POLD1: variants seen among roughly 807,000 people sequenced by gnomAD.
POLD1 encodes DNA polymerase delta catalytic subunit.
POLD1 carries 79 observed loss-of-function variants against 129.7 expected under a neutral mutation model. That is an observed-to-expected ratio of 0.61 (90% CI 0.51 to 0.73). The LOEUF is 0.73. Among genes scored for constraint, POLD1 ranks in the 30% least tolerant of loss-of-function variants. POLD1 has a pLI of 0.00. For synonymous variants in POLD1, 714 were observed against 683.3 expected (o/e 1.04, Z -0.70); for missense variants, 1,338 against 1,595.8 (o/e 0.84, Z 2.75).
intron 2 of POLD1, 84 bp from the exon 3 acceptor site, chr19:50,399,287 C>T: frequency 4.8e-6 from 6 of 1,245,966 alleles, no homozygotes; most frequent in Non-Finnish European, 7.0e-6. Context: ...CCACCTCTGC[C>T]TGGCTCCTTT....
rs369857347 is a variant in POLD1, at chr19:50,413,727, C to T, written c.2251-15C>T. 2 of 1,587,434 alleles carry T rather than the reference C, an allele frequency of 1.3e-6. No homozygotes were observed. Among genetic ancestry groups the T allele is most frequent in the Non-Finnish European group, 1.7e-6 (2 of 1,168,720 alleles). On this transcript the variant is annotated splice_polypyrimidine_tract_variant and intron_variant, in intron 18 of 26. Transcript: ENST00000440232. ...GACCCTGCTTCTCACATACACACAT[C>T]CCCACCGCCCGCAGGTGGTGTATGG...
rs763951036 is a variant in POLD1, at chr19:50,417,072, G to C, written c.3095G>C (p.Arg1032Pro). The C allele has an allele frequency of 6.4e-7, 1 of 1,554,082 alleles. No individual in the cohort carries two copies. The highest frequency in any genetic ancestry group is 8.7e-7 in the Non-Finnish European group (1 of 1,148,472). The change falls in exon 25 of 27, where the codon CGG becomes CCG. Residue 1032 changes from arginine (R) to proline (P), a missense_variant. Transcript: ENST00000440232. ...GCCGTGTGTGAGTTCTGCCAGCCCCGGGAGTCTGAGCTGTATCAGAAGGAG... is the reference window on the plus strand; with the variant it reads ...GCCGTGTGTGAGTTCTGCCAGCCCCCGGAGTCTGAGCTGTATCAGAAGGAG... Reference protein sequence around the residue: ...QGAVCEFCQPRESELYQKEVS... With the variant: ...QGAVCEFCQPPESELYQKEVS...
chr19:50,387,387 G>A (rs910330576), intron 1 of POLD1, among the ~76,000 whole-genome samples: 3 of 152,194 alleles, frequency 2.0e-5, no homozygotes, highest in Admixed American at 6.5e-5. Context: ...GGCCTGCAGC[G>A]AGCACGTGGT....
chr19:50,407,671 A>T (rs2038946024), intron 14 of POLD1, among the ~76,000 whole-genome samples: 1 of 142,692 alleles, frequency 7.0e-6, no homozygotes, highest in Admixed American at 7.0e-5. Context: ...CCATTCTCCT[A>T]CCTCAGTCTC....
At chr19:50,384,346 G>C (rs2037892154), upstream of POLD1, 1 of 152,482 alleles carries the variant, frequency 6.6e-6, no homozygotes, top group African/African-American at 2.4e-5. Flanking sequence ...GGGAGTCAGG[G>C]GTCACGGCGG....
At chr19:50,404,399 A>G (rs1441711234) in intron 10 of POLD1, among the ~76,000 whole-genome samples, 1 of 147,782 alleles carries the variant, frequency 6.8e-6, no homozygotes, top group Non-Finnish European at 1.5e-5. Flanking sequence ...AGTAGCTGGG[A>G]CTACAGGCGC....
intron 22 of POLD1, 33 bp from the exon 23 acceptor site, chr19:50,416,363 G>T: frequency 1.3e-6 from 2 of 1,545,386 alleles, no homozygotes; most frequent in Non-Finnish European, 1.7e-6. Flanking sequence ...CCCTTTCCCT[G>T]GCTGCCCGGG....
At position 50,390,572 on chromosome 19, in the gene POLD1, A is replaced by AT. The variant is rs563258123; in HGVS notation, c.-2+6198dup. 2.6e-3 allele frequency among the ~76,000 whole-genome samples: 355 copies of AT among 136,066 alleles called. 3 individuals are homozygous for AT. The highest frequency in any genetic ancestry group is 9.4e-3 in the East Asian group (44 of 4,668). 89.3% of individuals were successfully genotyped at this position (136,066 alleles called of 152,430 possible). A position where few individuals can be genotyped will look rare whatever the true frequency, so the allele number is the denominator to read the frequency against. ...CATTCTACAGTTATTCTTGAGAACTATTTTTTTTTTTTTTTTAGTATTTAT... is the reference window on the plus strand; with the variant it reads ...CATTCTACAGTTATTCTTGAGAACTATTTTTTTTTTTTTTTTTAGTATTTAT... On this transcript the variant is annotated intron_variant, in intron 1 of 26. Coordinates refer to ENST00000440232, the MANE Select transcript of POLD1 (RefSeq NM_002691.4).
At chr19:50,401,391 A>ATATTTTTTTTTTTTTTTT (rs1334231607) in intron 3 of POLD1, among the ~76,000 whole-genome samples, 1 of 65,992 alleles carries the variant, frequency 1.5e-5, no homozygotes, top group Non-Finnish European at 2.6e-5. Flanking sequence ...ATATATATAT[A>ATATTTTTTTTTTTTTTTT]TTTTTTTTTT....
chr19:50,415,641 C>T (rs781592897), intron 21 of POLD1, 51 bp downstream of exon 21: 1 of 1,575,754 alleles, frequency 6.3e-7, no homozygotes, highest in South Asian at 1.1e-5. Context: ...TCCTTCCTGC[C>T]AGCTGGGCCC....
chr19:50,416,556 A>C (rs1335093653), intron 23 of POLD1, 28 bp downstream of exon 23: 2 of 1,546,848 alleles, frequency 1.3e-6, no homozygotes, highest in East Asian at 2.4e-5. Context: ...GACTGGGGGC[A>C]CCCTGGGGGG....
intron 26 of POLD1, 113 bp downstream of exon 26, chr19:50,417,382 A>G (rs938370044): frequency 3.0e-6 from 2 of 677,368 alleles, no homozygotes; most frequent in Admixed American, 2.4e-5. Flanking sequence ...CTCCCCGCCC[A>G]TCCCCTTCCA....
In POLD1 at chr19:50,417,230, G is replaced by A. The variant is rs762090110; in HGVS notation, c.3179G>A (p.Arg1060His). Residue 1060 changes from arginine (R) to histidine (H), a missense_variant, in exon 26 of 27, where the codon CGC becomes CAC. By Grantham distance (29) the Arg-to-His change is conservative. Coordinates refer to ENST00000440232, the MANE Select transcript of POLD1 (RefSeq NM_002691.4). ...TCGCGCCTCTGGACGCAGTGCCAGC[G>A]CTGCCAGGGCAGCCTGCACGAGGAC... Reference protein sequence around the residue: ...RFSRLWTQCQRCQGSLHEDVI... With the variant: ...RFSRLWTQCQHCQGSLHEDVI... 1.2e-5 allele frequency: 19 copies of A among 1,603,902 alleles called. No individual in the cohort carries two copies. The highest frequency in any genetic ancestry group is 4.5e-5 in the East Asian group (2 of 44,714).
Position 50,408,965 on chromosome 19 carries a change from G to T in POLD1, c.1892+64G>T. ...TCTGGGCCTTCCCTTGGGGGGCTCA[G>T]TCTGGTGGGGGGCATAGGCACAGGC... is the stretch of plus-strand genomic sequence containing the variant. On this transcript the variant is annotated intron_variant, in intron 15 of 26. Coordinates refer to ENST00000440232, the MANE Select transcript of POLD1 (RefSeq NM_002691.4). The T allele has an allele frequency of 2.0e-6, 3 of 1,504,858 alleles. 1 individual carries two copies. The highest frequency in any genetic ancestry group is 2.4e-5 in the South Asian group (2 of 82,060). 93.2% of individuals were successfully genotyped at this position (1,504,858 alleles called of 1,614,324 possible).
chr19:50,415,825 AG>A lies in POLD1; in HGVS notation c.2820+1del. ...GGTGTGGCCGCCTACATGAAGTCGGAGGTCAGGCCCACCTGGCTGCCTGCTC... is the reference window on the plus strand; with the variant it reads ...GGTGTGGCCGCCTACATGAAGTCGGAGTCAGGCCCACCTGGCTGCCTGCTC... The part of the protein sequence containing the change: ...AKGVAAYMKS[E>X]DPLFVLEHSL... On this transcript the variant is annotated frameshift_variant and splice_region_variant, in exon 22 of 27. Transcript: ENST00000440232. LOFTEE classifies it high-confidence loss of function. 6.6e-7 allele frequency: 1 copy of A among 1,508,632 alleles called. No homozygotes were observed. 93.5% of individuals were successfully genotyped at this position (1,508,632 alleles called of 1,614,324 possible).
In POLD1 at chr19:50,413,831, C is replaced by G. The variant is rs572055425; in HGVS notation, c.2340C>G (p.Asp780Glu). ...TGGCCCTGGGGCGGGAGGCCGCGGA[C>G]TGGGTGTCAGGTCACTTCCCGTCGC... ...EAMALGREAA[D>E]WVSGHFPSPI... The change falls in exon 19 of 27, where the codon GAC becomes GAG. Residue 780 changes from aspartate (D) to glutamate (E), a missense_variant. Physicochemically the swap from Asp to Glu is conservative, Grantham distance 45 (BLOSUM62 2). Around this residue, in one of 3 missense-constraint regions of POLD1, gnomAD observed 720 missense variants for 1,002.6 expected, o/e 0.72. Transcript: ENST00000440232. The G allele has an allele frequency of 1.9e-6, 3 of 1,612,316 alleles. No individual in the cohort carries two copies. Among genetic ancestry groups the G allele is most frequent in the East Asian group, 4.5e-5 (2 of 44,880 alleles).
rs1060501855 is a variant in POLD1 at position 50,415,795 on chromosome 19, C to T, written c.2789C>T (p.Ala930Val). ...GTCCCCTACGTGATCATCAGTGCCGCCAAGGGTGTGGCCGCCTACATGAAG... is the reference window on the plus strand; with the variant it reads ...GTCCCCTACGTGATCATCAGTGCCGTCAAGGGTGTGGCCGCCTACATGAAG... Reference protein sequence around the residue: ...DRVPYVIISAAKGVAAYMKSE... With the variant: ...DRVPYVIISAVKGVAAYMKSE... The change falls in exon 22 of 27, where the codon GCC becomes GTC. Residue 930 changes from alanine to valine, a missense_variant. Physicochemically the swap from Ala to Val is moderately conservative, Grantham distance 64. Transcript: ENST00000440232. 1.3e-6 allele frequency: 2 copies of T among 1,561,868 alleles called. No individual in the cohort carries two copies. The highest frequency in any genetic ancestry group is 1.7e-6 in the Non-Finnish European group (2 of 1,155,586).
chr19:50,401,122 T>C (rs2122220337), intron 3 of POLD1, among the ~76,000 whole-genome samples: 2 of 151,514 alleles, frequency 1.3e-5, no homozygotes, highest in Admixed American at 1.3e-4. Flanking sequence ...ACCCCGTCTC[T>C]ACTAAAAATT....
At chr19:50,394,742 C>T (rs1455899416) in intron 1 of POLD1, among the ~76,000 whole-genome samples, 1 of 152,168 alleles carries the variant, frequency 6.6e-6, no homozygotes, top group Non-Finnish European at 1.5e-5. Context: ...CTGACCTGCT[C>T]ACCTGCCTCT....
Sources: gnomAD v4.1 joint callset for allele counts (sites outside exome capture counted in the v4.1 genomes callset) on GRCh38, gnomAD v4.1.1 for gene constraint, gnomAD v4.1.1 regional missense constraint, MANE v1.5 for transcripts, NCBI Gene and HGNC (gene_info 2026-07-23, HGNC 2026-07-21) for gene names.